Variants in MLLT10 observed in about 807,000 individuals in gnomAD.
The protein encoded by MLLT10 is protein AF-10.
In MLLT10, 30 loss-of-function variants were observed where a neutral mutation model predicts 129.1. The ratio of observed to expected loss-of-function variants is 0.23; its 90% CI spans 0.17 to 0.32. The LOEUF (loss-of-function observed/expected upper bound fraction) is 0.32, where lower values mean the gene tolerates loss of function less well. Ranked by LOEUF, MLLT10 falls within the 10% of genes least tolerant of loss-of-function variation. MLLT10 has a pLI of 1.00. For synonymous variants in MLLT10, 490 were observed against 446.4 expected (o/e 1.10, Z -1.23); for missense variants, 1,119 against 1,268.3 (o/e 0.88, Z 1.79).
chr10:21,682,142 A>C, intron 12 of MLLT10, 83 bp from the exon 13 acceptor site: 1 of 1,116,422 alleles, frequency 9.0e-7, no homozygotes, highest in Non-Finnish European at 1.3e-6. Flanking sequence ...ATTTTATTAT[A>C]CTAATTCAGT....
chr10:21,742,221 G>GA lies in MLLT10; in HGVS notation c.*242dup, dbSNP rs747060114. On this transcript the variant is annotated 3_prime_UTR_variant, in exon 23 of 23. Transcript: ENST00000307729. Reference sequence around the variant, plus strand: ...TACCCCAGTTTTTTGAACATGGAAAGAAAATTTAATAACTTTTTAAAGTGA... The same window carrying GA: ...TACCCCAGTTTTTTGAACATGGAAAGAAAAATTTAATAACTTTTTAAAGTGA... 7 of 408,046 alleles carry GA rather than the reference G, an allele frequency of 1.7e-5. No homozygotes were observed. Among genetic ancestry groups the GA allele is most frequent in the Non-Finnish European group, 2.6e-5 (6 of 231,048 alleles). The allele number at this position is 408,046 out of a possible 1,614,324, so 25.3% of individuals were successfully genotyped here. A position where few individuals can be genotyped will look rare whatever the true frequency, so the allele number is the denominator to read the frequency against.
At chr10:21,641,508 A>G (rs1054879343) in intron 8 of MLLT10, among the ~76,000 whole-genome samples, 6 of 152,168 alleles carry the variant, frequency 3.9e-5, no homozygotes, top group Non-Finnish European at 7.4e-5. Context: ...GCAACAAAAC[A>G]TAGCTGAATG....
chr10:21,541,867 A>C (rs751932072), intron 3 of MLLT10, among the ~76,000 whole-genome samples: 1 of 152,180 alleles, frequency 6.6e-6, no homozygotes, highest in East Asian at 1.9e-4. Flanking sequence ...GTGAGAATGC[A>C]CTTTAATAGA....
chr10:21,680,958 A>AC (rs2052678673), intron 11 of MLLT10, among the ~76,000 whole-genome samples: 1 of 151,600 alleles, frequency 6.6e-6, no homozygotes, highest in South Asian at 2.1e-4. Flanking sequence ...TTTGTCTCAA[A>AC]AAAAAAAAAA....
chr10:21,735,287 T>TA (rs772212661), intron 21 of MLLT10, 52 bp downstream of exon 21: 5 of 1,357,196 alleles, frequency 3.7e-6, no homozygotes, highest in Non-Finnish European at 4.2e-6. Flanking sequence ...TTCTAAGCTG[T>TA]AATATTCACT....
rs57679724 is a variant in MLLT10, at chr10:21,735,013, GTGTT to G, written c.2859-123_2859-120del. ...GAAATTGTACATAACTGTTTTCAGA[GTGTT>G]TGGATTCAGAATTGTACTTAAGTTA... On this transcript the variant is annotated intron_variant, in intron 20 of 22. Coordinates refer to ENST00000307729, the MANE Select transcript of MLLT10 (RefSeq NM_001195626.3). The G allele has an allele frequency of 0.012, 7,835 of 665,072 alleles. 422 individuals are homozygous for G. The African/African-American group carries it at 0.12, about 10-fold the overall frequency. 41.2% of individuals were successfully genotyped at this position (665,072 alleles called of 1,614,324 possible). A position where few individuals can be genotyped will look rare whatever the true frequency, so the allele number is the denominator to read the frequency against.
intron 5 of MLLT10, among the ~76,000 whole-genome samples, chr10:21,601,322 C>G (rs1194122929): frequency 6.6e-6 from 1 of 152,094 alleles, no homozygotes; most frequent in Non-Finnish European, 1.5e-5. Flanking sequence ...ACTCAAAGGC[C>G]TATTTATTTG....
chr10:21,602,538 GAGAT>G (rs1326619654), intron 5 of MLLT10, among the ~76,000 whole-genome samples: 5 of 152,120 alleles, frequency 3.3e-5, no homozygotes, highest in African/African-American at 1.2e-4. Flanking sequence ...AAGTCTGAGT[GAGAT>G]AGACTCCTAG....
intron 3 of MLLT10, among the ~76,000 whole-genome samples, chr10:21,585,769 T>G (rs950564864): frequency 2.0e-5 from 3 of 152,156 alleles, no homozygotes; most frequent in Non-Finnish European, 4.4e-5. Context: ...GAGTTTTGTT[T>G]TGTTTCTTTT....
chr10:21,650,638 C>G (rs148521214), intron 8 of MLLT10, among the ~76,000 whole-genome samples: 1 of 151,876 alleles, frequency 6.6e-6, no homozygotes, highest in Non-Finnish European at 1.5e-5. Flanking sequence ...TAAACAAATT[C>G]GATGAACTCT....
At chr10:21,665,811 C>T (rs1027464228) in intron 9 of MLLT10, among the ~76,000 whole-genome samples, 3 of 152,012 alleles carry the variant, frequency 2.0e-5, no homozygotes, top group Non-Finnish European at 2.9e-5. Context: ...TCACGGCAAC[C>T]TCTGCCTCCT....
intron 21 of MLLT10, chr10:21,738,698 A>G (rs1158049146): frequency 1.1e-5 from 4 of 372,854 alleles, no homozygotes; most frequent in African/African-American, 2.2e-5. Context: ...TGGCAACGGC[A>G]TTAGACAGAG....
At chr10:21,726,146 T>C (rs1442905441) in intron 14 of MLLT10, 98 bp from the exon 15 acceptor site, 3 of 801,672 alleles carry the variant, frequency 3.7e-6, no homozygotes, top group East Asian at 5.7e-5. Flanking sequence ...GCTTATATTC[T>C]TAGGTTGGAG....
rs757362164 is a variant in MLLT10 at position 21,670,507 on chromosome 10, C to A, written c.854C>A (p.Thr285Asn). Residue 285 changes from threonine to asparagine, a missense_variant, in exon 10 of 23, where the codon ACT becomes AAT. By Grantham distance (65) the Thr-to-Asn change is moderately conservative. This residue lies in a region of MLLT10 where 1,004 missense variants were observed against 1,008.7 expected (regional missense o/e 1.00). Transcript: ENST00000307729. ...ISGSLKRLEDTTARFTNANFQ... is the reference protein window; with the variant it reads ...ISGSLKRLEDNTARFTNANFQ... The stretch of plus-strand genomic sequence containing the variant: ...GGATCATTGAAGCGCTTGGAAGATA[C>A]TACTGCACGATTTACAAATGCAAAT... 5.0e-6 allele frequency: 8 copies of A among 1,613,988 alleles called. No homozygotes were observed. In the African/African-American group the frequency reaches 9.3e-5, roughly 19 times the overall value.
intron 3 of MLLT10, among the ~76,000 whole-genome samples, chr10:21,584,534 G>C (rs754332223): frequency 4.0e-5 from 6 of 151,652 alleles, no homozygotes; most frequent in African/African-American, 1.5e-4. Context: ...GGCTGGTCTC[G>C]AACTCCTGAC....
intron 13 of MLLT10, among the ~76,000 whole-genome samples, chr10:21,703,754 C>G (rs2055155521): frequency 6.6e-6 from 1 of 152,034 alleles, no homozygotes; most frequent in South Asian, 2.1e-4. Context: ...CCATGTTGAT[C>G]AGGCTGGTCT....
intron 8 of MLLT10, among the ~76,000 whole-genome samples, chr10:21,636,210 T>G (rs1041416298): frequency 6.6e-6 from 1 of 152,080 alleles, no homozygotes; most frequent in Non-Finnish European, 1.5e-5. Flanking sequence ...AGCCTCAACC[T>G]CCTGCATTCA....
chr10:21,726,430 T>G (rs2057515365), intron 15 of MLLT10, 75 bp downstream of exon 15: 3 of 1,052,278 alleles, frequency 2.9e-6, no homozygotes, highest in Non-Finnish European at 4.3e-6. Flanking sequence ...TTGGTTCATT[T>G]TATTTGAAAA....
rs528899973 is a variant in MLLT10 at position 21,558,326 on chromosome 10, A to G, written c.240+19414A>G. 5.9e-5 allele frequency among the ~76,000 whole-genome samples: 9 copies of G among 152,134 alleles called. No homozygotes were observed. The South Asian group carries it at 1.9e-3, about 32-fold the overall frequency. On this transcript the variant is annotated intron_variant, in intron 3 of 22. Coordinates refer to ENST00000307729, the MANE Select transcript of MLLT10 (RefSeq NM_001195626.3). ...CCTCAAATCCTTTTCTAAAAATTTT[A>G]GGTTTAAGTATATTAAATATCCTAA...
Sources: gnomAD v4.1 joint callset for allele counts (sites outside exome capture counted in the v4.1 genomes callset) on GRCh38, gnomAD v4.1.1 for gene constraint, gnomAD v4.1.1 regional missense constraint, MANE v1.5 for transcripts, NCBI Gene and HGNC (gene_info 2026-07-23, HGNC 2026-07-21) for gene names.